AFG2B: variants seen among roughly 807,000 people sequenced by gnomAD.
AFG2B encodes the protein AAA ATPase AFG2B.
chr15:45,408,994 C>T, the AFG2B span, among the ~76,000 whole-genome samples: 5 of 152,258 alleles, frequency 3.3e-5, no homozygotes, highest in South Asian at 2.1e-4. Context: ...TCCAATATTC[C>T]CTCTACCTCA....
chr15:45,405,759 A>G, the AFG2B span, among the ~76,000 whole-genome samples: 1 of 152,216 alleles, frequency 6.6e-6, no homozygotes, highest in African/African-American at 2.4e-5. Context: ...GCTGAAGCCC[A>G]GAGCAGCCAA....
chr15:45,418,788 T>G, the AFG2B span: 1 of 1,421,338 alleles, frequency 7.0e-7, no homozygotes, highest in Non-Finnish European at 9.5e-7. Context: ...TACCATGTGA[T>G]GTGAAACAGA....
At chr15:45,410,889 C>G in the AFG2B span, among the ~76,000 whole-genome samples, 2 of 151,662 alleles carry the variant, frequency 1.3e-5, no homozygotes, top group Non-Finnish European at 2.9e-5. Flanking sequence ...GCCCTTGTCG[C>G]TATTTAAAAA....
At chr15:45,402,773 T>C in the AFG2B span, 1 of 1,585,680 alleles carries the variant, frequency 6.3e-7, no homozygotes, top group Admixed American at 1.7e-5. Context: ...GTGTGGCCGG[T>C]GTTGCGAGAG....
At chr15:45,412,793 C>T in the AFG2B span, among the ~76,000 whole-genome samples, 2 of 152,098 alleles carry the variant, frequency 1.3e-5, no homozygotes, top group African/African-American at 4.8e-5. Flanking sequence ...ATATGGCTAC[C>T]TGATAGTGGA....
At chr15:45,415,723 T>G in the AFG2B span, 2 of 1,614,048 alleles carry the variant, frequency 1.2e-6, no homozygotes. Flanking sequence ...CTGAATGAAT[T>G]AGATGGTGTT....
At chr15:45,406,741 A>G in the AFG2B span, among the ~76,000 whole-genome samples, 1 of 152,252 alleles carries the variant, frequency 6.6e-6, no homozygotes, top group Non-Finnish European at 1.5e-5. Context: ...TTAAACTGCA[A>G]AAGAATGATT....
chr15:45,409,285 G>A, the AFG2B span, among the ~76,000 whole-genome samples: 427 of 150,860 alleles, frequency 2.8e-3, 2 homozygotes, highest in African/African-American at 9.9e-3. Flanking sequence ...GCTGAGGCAC[G>A]AGAATCATTT....
At chr15:45,416,165 C>T in the AFG2B span, among the ~76,000 whole-genome samples, 4 of 152,238 alleles carry the variant, frequency 2.6e-5, no homozygotes, top group African/African-American at 9.6e-5. Context: ...GTGGCACACG[C>T]CTGTAATCCC....
chr15:45,402,754 C>T, the AFG2B span: 4 of 1,574,486 alleles, frequency 2.5e-6, no homozygotes, highest in Admixed American at 1.8e-5. Context: ...GCCCCTGCGG[C>T]GCGTCGCCGT....
At chr15:45,414,327 C>G in the AFG2B span, among the ~76,000 whole-genome samples, 1 of 152,142 alleles carries the variant, frequency 6.6e-6, no homozygotes, top group African/African-American at 2.4e-5. Context: ...GCCTTGTCAG[C>G]TGTGGCGAGT....
chr15:45,402,643 G>A, the AFG2B span: 1 of 1,579,486 alleles, frequency 6.3e-7, no homozygotes, highest in South Asian at 1.1e-5. Flanking sequence ...GGACGGCTTT[G>A]TGCAGCTGGA....
At chr15:45,406,595 T>G in the AFG2B span, among the ~76,000 whole-genome samples, 85,274 of 152,044 alleles carry the variant, frequency 0.56, 27,396 homozygotes, top group East Asian at 0.91. Flanking sequence ...TTGTTGGTTG[T>G]AAAATCCAGT....
the AFG2B span, chr15:45,417,932 T>C: frequency 6.6e-6 from 1 of 152,596 alleles, no homozygotes; most frequent in South Asian, 2.1e-4. Context: ...CCTTGGGCTT[T>C]TATCAAGTTT....
chr15:45,415,087 AG>A, the AFG2B span, among the ~76,000 whole-genome samples: 1 of 152,206 alleles, frequency 6.6e-6, no homozygotes, highest in African/African-American at 2.4e-5. Flanking sequence ...TGAAATTTAT[AG>A]TATTCTTTGA....
the AFG2B span, among the ~76,000 whole-genome samples, chr15:45,408,698 G>C: frequency 6.6e-6 from 1 of 152,134 alleles, no homozygotes; most frequent in Non-Finnish European, 1.5e-5. Flanking sequence ...AAATCTGTGG[G>C]GAGACACTTT....
At chr15:45,409,697 C>A in the AFG2B span, among the ~76,000 whole-genome samples, 119 of 149,502 alleles carry the variant, frequency 8.0e-4, no homozygotes, top group Middle Eastern at 3.4e-3. Flanking sequence ...CGCATCTCTA[C>A]AAAAAAAAAA....
the AFG2B span, among the ~76,000 whole-genome samples, chr15:45,420,000 A>C: frequency 0.11 from 6,106 of 53,410 alleles, 152 homozygotes; most frequent in East Asian, 0.29. Flanking sequence ...CCCCCCCCAA[A>C]AAAAAAAAAA....
chr15:45,414,469 A>C, the AFG2B span: 1 of 1,089,372 alleles, frequency 9.2e-7, no homozygotes, highest in Non-Finnish European at 1.3e-6. Flanking sequence ...TCCAGCTCAT[A>C]ATAGGAGGCT....
Sources: gnomAD v4.1 joint callset for allele counts (sites outside exome capture counted in the v4.1 genomes callset) on GRCh38, gnomAD v4.1.1 for gene constraint, MANE v1.5 for transcripts, NCBI Gene and HGNC (gene_info 2026-07-23, HGNC 2026-07-21) for gene names.